HEMK2: variants seen among roughly 807,000 people sequenced by gnomAD.
HEMK2 encodes the protein HemK methyltransferase 2, ETF1 glutamine and histone H4 lysine.
chr21:28,798,633 T>C, the HEMK2 span, among the ~76,000 whole-genome samples: 1 of 152,126 alleles, frequency 6.6e-6, no homozygotes, highest in East Asian at 1.9e-4. Context: ...CTGTGTTCTT[T>C]GGGGGCCTGG....
chr21:28,657,859 C>A, the HEMK2 span, among the ~76,000 whole-genome samples: 10 of 151,976 alleles, frequency 6.6e-5, no homozygotes, highest in Non-Finnish European at 1.3e-4. Flanking sequence ...TGGATTGAAA[C>A]AGCTCTTTAC....
chr21:28,636,248 G>GTACTTGCTT, the HEMK2 span, among the ~76,000 whole-genome samples: 1 of 151,978 alleles, frequency 6.6e-6, no homozygotes, highest in South Asian at 2.1e-4. Context: ...CCTACTTGTT[G>GTACTTGCTT]TACTTGCTTG....
the HEMK2 span, among the ~76,000 whole-genome samples, chr21:28,841,968 C>A: frequency 6.6e-6 from 1 of 152,124 alleles, no homozygotes; most frequent in Non-Finnish European, 1.5e-5. Context: ...GGCTGCTTTC[C>A]TTTGGATTTA....
At chr21:28,714,864 T>G in the HEMK2 span, among the ~76,000 whole-genome samples, 5 of 152,164 alleles carry the variant, frequency 3.3e-5, no homozygotes, top group African/African-American at 1.2e-4. Flanking sequence ...AGTGTTTAGC[T>G]CCCACTTATA....
At chr21:28,763,837 C>T in the HEMK2 span, among the ~76,000 whole-genome samples, 1 of 152,110 alleles carries the variant, frequency 6.6e-6, no homozygotes. Flanking sequence ...ACACCAACTA[C>T]TCTCTTCCTG....
At chr21:28,800,857 A>C in the HEMK2 span, among the ~76,000 whole-genome samples, 1 of 152,230 alleles carries the variant, frequency 6.6e-6, no homozygotes. Context: ...TAGCCAAAAG[A>C]AAAGCAGAAT....
chr21:28,879,908 C>G, the HEMK2 span: 1 of 1,599,152 alleles, frequency 6.3e-7, no homozygotes, highest in Non-Finnish European at 8.5e-7. Flanking sequence ...GGATTAAACA[C>G]CAGAAGATCA....
chr21:28,871,551 T>C, the HEMK2 span, among the ~76,000 whole-genome samples: 2 of 152,192 alleles, frequency 1.3e-5, no homozygotes, highest in Non-Finnish European at 2.9e-5. Flanking sequence ...CATATCAGTG[T>C]CCATGTCTAT....
the HEMK2 span, among the ~76,000 whole-genome samples, chr21:28,745,817 C>T: frequency 6.6e-6 from 1 of 152,200 alleles, no homozygotes; most frequent in African/African-American, 2.4e-5. Context: ...TCACCCCCTT[C>T]AAATCCTATC....
At chr21:28,677,244 G>C in the HEMK2 span, among the ~76,000 whole-genome samples, 1 of 152,226 alleles carries the variant, frequency 6.6e-6, no homozygotes. Flanking sequence ...CACAACAGAA[G>C]ATTATATCCC....
the HEMK2 span, among the ~76,000 whole-genome samples, chr21:28,763,469 G>A: frequency 6.6e-6 from 1 of 152,068 alleles, no homozygotes; most frequent in South Asian, 2.1e-4. Context: ...AGGGGATGGT[G>A]CTAAGCTCTT....
the HEMK2 span, among the ~76,000 whole-genome samples, chr21:28,783,283 C>A: frequency 2.0e-5 from 3 of 152,038 alleles, no homozygotes; most frequent in African/African-American, 7.2e-5. Context: ...CTCCTGGGTT[C>A]AAGCAATTCT....
chr21:28,790,147 T>C, the HEMK2 span, among the ~76,000 whole-genome samples: 2 of 152,218 alleles, frequency 1.3e-5, no homozygotes, highest in Non-Finnish European at 1.5e-5. Context: ...TTTTGGTAAT[T>C]TGAAGCAATG....
chr21:28,605,049 T>TGATCCACATGTG, the HEMK2 span, among the ~76,000 whole-genome samples: 2 of 152,236 alleles, frequency 1.3e-5, no homozygotes, highest in Non-Finnish European at 2.9e-5. Flanking sequence ...CATGTAGGAT[T>TGATCCACATGTG]GATCCACATG....
chr21:28,575,620 T>C, the HEMK2 span, among the ~76,000 whole-genome samples: 4 of 152,216 alleles, frequency 2.6e-5, no homozygotes, highest in Non-Finnish European at 5.9e-5. Flanking sequence ...GTCTTTTTAA[T>C]TGAGGTATTA....
At chr21:28,875,737 C>T in the HEMK2 span, 1 of 152,194 alleles carries the variant, frequency 6.6e-6, no homozygotes, top group Admixed American at 6.5e-5. Flanking sequence ...GATGCAAGTA[C>T]TTATCCTTCA....
the HEMK2 span, among the ~76,000 whole-genome samples, chr21:28,828,996 C>T: frequency 1.3e-5 from 2 of 152,180 alleles, no homozygotes; most frequent in African/African-American, 4.8e-5. Flanking sequence ...CATTCCTTTA[C>T]ATTCCTGGTG....
the HEMK2 span, among the ~76,000 whole-genome samples, chr21:28,758,440 A>G: frequency 9.2e-5 from 14 of 152,290 alleles, no homozygotes; most frequent in African/African-American, 3.4e-4. Flanking sequence ...ACAAAAAGGA[A>G]GTTGGTCACA....
At chr21:28,743,329 A>G in the HEMK2 span, 34,754 of 152,068 alleles carry the variant, frequency 0.23, 4,611 homozygotes, top group African/African-American at 0.35. Flanking sequence ...GGATGTGTAC[A>G]TTTGCTAGAG....
Sources: allele counts gnomAD v4.1 joint callset (sites outside exome capture counted in the v4.1 genomes callset), GRCh38; gene constraint gnomAD v4.1.1; transcripts MANE v1.5; gene names NCBI Gene and HGNC (gene_info 2026-07-23, HGNC 2026-07-21).